The following B9D1 variants were observed in gnomAD, a reference collection of about 807,000 sequenced individuals.
The protein encoded by B9D1 is B9 domain-containing protein 1.
Under a neutral mutation model 26.1 loss-of-function variants are expected in B9D1, and 20 were observed. The ratio of observed to expected loss-of-function variants is 0.77; its 90% confidence interval spans 0.54 to 1.12. The LOEUF (loss-of-function observed/expected upper bound fraction) is 1.12, where lower values mean the gene tolerates loss of function less well. Among genes scored for constraint, B9D1 ranks in the 50% most tolerant of loss-of-function variants. B9D1 has a pLI of 0.00. For synonymous variants in B9D1, 105 were observed against 103.1 expected (o/e 1.02, Z -0.11); for missense variants, 260 against 273.7 (o/e 0.95, Z 0.35).
intron 5 of B9D1, among the ~76,000 whole-genome samples, chr17:19,345,442 G>C (rs143602622): frequency 6.6e-6 from 1 of 152,186 alleles, no homozygotes; most frequent in Non-Finnish European, 1.5e-5. Context: ...CTGGGAAACC[G>C]TGCACGTGAC....
At chr17:19,356,141 G>C (rs913318927) in intron 3 of B9D1, among the ~76,000 whole-genome samples, 1 of 151,974 alleles carries the variant, frequency 6.6e-6, no homozygotes, top group Non-Finnish European at 1.5e-5. Flanking sequence ...ACCCAGGCTG[G>C]AGTGCAGTGG....
At chr17:19,355,238 A>T (rs1175739458) in intron 3 of B9D1, among the ~76,000 whole-genome samples, 1 of 152,142 alleles carries the variant, frequency 6.6e-6, no homozygotes, top group East Asian at 1.9e-4. Flanking sequence ...TACAATGTTT[A>T]AAAAATATGG....
intron 2 of B9D1, 66 bp downstream of exon 2, chr17:19,360,254 A>C: frequency 7.0e-6 from 10 of 1,434,902 alleles, no homozygotes; most frequent in Non-Finnish European, 9.8e-6. Context: ...GAGGGGAAGG[A>C]TATGACACCT....
At chr17:19,361,533 C>T (rs561879292) in intron 1 of B9D1, among the ~76,000 whole-genome samples, 5 of 152,140 alleles carry the variant, frequency 3.3e-5, no homozygotes, top group Admixed American at 6.5e-5. Context: ...AGCACAGACA[C>T]ATGTGACTCA....
At chr17:19,373,377 T>C (rs1911982412) in intron 1 of B9D1, among the ~76,000 whole-genome samples, 1 of 151,996 alleles carries the variant, frequency 6.6e-6, no homozygotes, top group Non-Finnish European at 1.5e-5. Context: ...TTTACCCCTT[T>C]ATATACCTCT....
At chr17:19,363,516 T>TGGC (rs1911390266), upstream of B9D1, 1 of 152,260 alleles carries the variant, frequency 6.6e-6, no homozygotes, top group African/African-American at 2.4e-5. Flanking sequence ...GGCAGGTAAG[T>TGGC]AGCTAAGTCA....
At chr17:19,337,660 G>A (rs1232947538), downstream of B9D1, 46 of 1,505,410 alleles carry the variant, frequency 3.1e-5, no homozygotes, top group Admixed American at 9.1e-4. Context: ...GCTTCCCGCG[G>A]AAGTTTCTCA....
At chr17:19,355,190 CT>C (rs1012516606) in intron 3 of B9D1, among the ~76,000 whole-genome samples, 54 of 152,232 alleles carry the variant, frequency 3.5e-4, no homozygotes, top group African/African-American at 1.2e-3. Context: ...TGAATTCCTG[CT>C]TTTGGTTATC....
chr17:19,372,075 C>G lies in B9D1; in HGVS notation c.-298+5784G>C, dbSNP rs574023151. 6.6e-6 allele frequency: 1 copy of G among 152,266 alleles called. No homozygotes were observed. Among genetic ancestry groups the G allele is most frequent in the Non-Finnish European group, 1.5e-5 (1 of 68,084 alleles). 9.4% of individuals were successfully genotyped at this position (152,266 alleles called of 1,614,324 possible). A position where few individuals can be genotyped will look rare whatever the true frequency, so the allele number is the denominator to read the frequency against. ...TAACCAGGGACAATGATGCATCACC[C>G]GAGTCCCCCTCAGAGAAAGATGAAG... On this transcript the variant is annotated intron_variant, in intron 1 of 5. Transcript: ENST00000477478. This position sits in a 1 kb window ranked among gnomAD's most constrained non-coding sequence, Gnocchi z 4.4.
At chr17:19,342,339 C>T (rs1260316018), downstream of B9D1, among the ~76,000 whole-genome samples, 2 of 152,128 alleles carry the variant, frequency 1.3e-5, no homozygotes, top group African/African-American at 4.8e-5. Flanking sequence ...AGAAGAGGGT[C>T]GGCCCAGATG....
At chr17:19,346,543 C>T (rs1022714052) in intron 5 of B9D1, among the ~76,000 whole-genome samples, 6 of 152,218 alleles carry the variant, frequency 3.9e-5, no homozygotes, top group Non-Finnish European at 5.9e-5. Flanking sequence ...TAATGGTCCT[C>T]GAGTCAGAAG....
intron 1 of B9D1, among the ~76,000 whole-genome samples, chr17:19,369,327 A>G (rs1911762538): frequency 6.6e-6 from 1 of 152,208 alleles, no homozygotes; most frequent in African/African-American, 2.4e-5. Context: ...CACTGAGACA[A>G]CTGTGCACCT....
intron 1 of B9D1, among the ~76,000 whole-genome samples, chr17:19,373,725 T>A (rs2152285346): frequency 6.6e-6 from 1 of 151,994 alleles, no homozygotes; most frequent in Middle Eastern, 3.4e-3. Context: ...CAGGGTTTCA[T>A]CATGTTGGCC....
intron 5 of B9D1, among the ~76,000 whole-genome samples, chr17:19,344,108 C>T (rs1398592834): frequency 5.9e-5 from 9 of 152,198 alleles, no homozygotes; most frequent in Non-Finnish European, 7.3e-5. Flanking sequence ...CTCCGCTGGC[C>T]GGTTAGGCTT....
At chr17:19,348,277 G>A (rs1309639540) in intron 3 of B9D1, among the ~76,000 whole-genome samples, 1 of 152,190 alleles carries the variant, frequency 6.6e-6, no homozygotes, top group Non-Finnish European at 1.5e-5. Flanking sequence ...ATGGGACTGA[G>A]GTGGCAGGGG....
At chr17:19,356,481 G>A (rs971401034) in intron 3 of B9D1, among the ~76,000 whole-genome samples, 2 of 152,132 alleles carry the variant, frequency 1.3e-5, no homozygotes, top group Non-Finnish European at 1.5e-5. Context: ...AATCATCAGG[G>A]GCTGAGCTGA....
chr17:19,338,566 C>T (rs1411468845), downstream of B9D1, among the ~76,000 whole-genome samples: 1 of 152,248 alleles, frequency 6.6e-6, no homozygotes, highest in East Asian at 1.9e-4. Flanking sequence ...GTCTCCGTCA[C>T]CTGATGGGCG....
Position 19,362,588 on chromosome 17 carries a change from G to T in B9D1, c.-19C>A. On this transcript the variant is annotated 5_prime_UTR_variant, in exon 1 of 7. Coordinates refer to ENST00000261499, the MANE Select transcript of B9D1 (RefSeq NM_015681.6). ...TCGCCATGGCAGGTCTGGGGGTGCC[G>T]GGGGGACCCACCTAGGCCGCGCGCG... 1.3e-6 allele frequency: 2 copies of T among 1,583,654 alleles called. No individual in the cohort carries two copies. Among genetic ancestry groups the T allele is most frequent in the Admixed American group, 1.8e-5 (1 of 56,478 alleles).
At chr17:19,373,864 A>G (rs1911999318) in intron 1 of B9D1, among the ~76,000 whole-genome samples, 1 of 152,150 alleles carries the variant, frequency 6.6e-6, no homozygotes, top group South Asian at 2.1e-4. Context: ...CTCTGCCTTC[A>G]AGTACACCCT....
Sources: allele counts gnomAD v4.1 joint callset (sites outside exome capture counted in the v4.1 genomes callset), GRCh38; gene constraint gnomAD v4.1.1; non-coding constraint Gnocchi (gnomAD v3.1); transcripts MANE v1.5; gene names NCBI Gene and HGNC (gene_info 2026-07-23, HGNC 2026-07-21).